ZNF385B: variants seen among roughly 807,000 people sequenced by gnomAD.
The protein encoded by ZNF385B is zinc finger protein 385B.
Under a neutral mutation model 39.2 loss-of-function variants are expected in ZNF385B, and 23 were observed. The observed-to-expected ratio is 0.59, with a 90% confidence interval of 0.42 to 0.83. The LOEUF (loss-of-function observed/expected upper bound fraction) is 0.83. Ranked by LOEUF, ZNF385B falls within the 40% of genes least tolerant of loss-of-function variation. The pLI is 0.00. For missense variants in ZNF385B, 552 were observed against 598.9 expected, an observed-to-expected ratio of 0.92 and a Z score of 0.82; for synonymous variants, 205 against 222.6, an observed-to-expected ratio of 0.92 and a Z score of 0.70.
chr2:179,669,967 A>G (rs1226177602), intron 3 of ZNF385B, among the ~76,000 whole-genome samples: 2 of 152,130 alleles, frequency 1.3e-5, no homozygotes, highest in Non-Finnish European at 2.9e-5. Context: ...TCTGGAGGTG[A>G]GGGAAAATCC....
chr2:179,578,109 A>G (rs1686049061), intron 3 of ZNF385B, among the ~76,000 whole-genome samples: 1 of 152,108 alleles, frequency 6.6e-6, no homozygotes, highest in South Asian at 2.1e-4. Flanking sequence ...ACATTGATAG[A>G]TTCTTTGGAT....
rs2049516931 is a variant in ZNF385B, at chr2:179,446,667, T to C, written c.819A>G (p.Ala273=). Residue 273 remains alanine (A), a synonymous_variant, in exon 7 of 10, where the codon GCA becomes GCG. Coordinates refer to ENST00000410066, the MANE Select transcript of ZNF385B (RefSeq NM_152520.6). ...KSGTTPLPPG[A]ATSPSKSTNG... ...TTGTGCTCTTGGAGGGAGAAGTGGC[T>C]GCTCCAGGTGGCAGGGGTGTTGTGC... 5.0e-6 allele frequency: 8 copies of C among 1,614,150 alleles called. No individual in the cohort carries two copies. Among genetic ancestry groups the C allele is most frequent in the Non-Finnish European group, 6.8e-6 (8 of 1,180,008 alleles).
intron 4 of ZNF385B, among the ~76,000 whole-genome samples, chr2:179,544,351 A>C (rs2060097940): frequency 6.6e-6 from 1 of 152,222 alleles, no homozygotes; most frequent in African/African-American, 2.4e-5. Flanking sequence ...CGTCATCTAC[A>C]ATAGCCCCCA....
At chr2:179,558,599 A>T (rs1515300) in intron 3 of ZNF385B, among the ~76,000 whole-genome samples, 127,882 of 152,168 alleles carry the variant, frequency 0.84, 53,852 homozygotes, top group East Asian at 0.98. Flanking sequence ...AAAATAACAA[A>T]AAAAAGTAAT....
At chr2:179,510,587 T>A (rs1010538081) in intron 5 of ZNF385B, among the ~76,000 whole-genome samples, 2 of 152,116 alleles carry the variant, frequency 1.3e-5, no homozygotes, top group Non-Finnish European at 2.9e-5. Flanking sequence ...TCAAGTAACA[T>A]GCTCAATATA....
intron 1 of ZNF385B, among the ~76,000 whole-genome samples, chr2:179,848,037 G>A (rs1708888994): frequency 6.6e-6 from 1 of 152,126 alleles, no homozygotes. Context: ...CAAGAGGCAA[G>A]GTCTGGAGCA....
At chr2:179,447,642 C>A (rs942172094) in intron 6 of ZNF385B, among the ~76,000 whole-genome samples, 3 of 152,170 alleles carry the variant, frequency 2.0e-5, no homozygotes, top group African/African-American at 7.2e-5. Context: ...ATCCATCACA[C>A]ATTTAATCCT....
chr2:179,604,872 C>A (rs578123320), intron 3 of ZNF385B, among the ~76,000 whole-genome samples: 4 of 152,094 alleles, frequency 2.6e-5, no homozygotes, highest in Admixed American at 6.6e-5. Flanking sequence ...TAACTGAATC[C>A]AAGAACATTT....
At chr2:179,570,366 G>C (rs967464979) in intron 3 of ZNF385B, among the ~76,000 whole-genome samples, 3 of 152,142 alleles carry the variant, frequency 2.0e-5, no homozygotes, top group Admixed American at 6.6e-5. Context: ...CTGGGGGCTT[G>C]GGAACAAATG....
At chr2:179,798,494 T>C (rs1705821335) in intron 1 of ZNF385B, among the ~76,000 whole-genome samples, 1 of 152,144 alleles carries the variant, frequency 6.6e-6, no homozygotes, top group Admixed American at 6.6e-5. Context: ...AAGTTTTCTA[T>C]CAACCTCATT....
chr2:179,704,316 G>A (rs868830939), intron 3 of ZNF385B, among the ~76,000 whole-genome samples: 48 of 152,118 alleles, frequency 3.2e-4, no homozygotes, highest in Admixed American at 2.0e-4. Flanking sequence ...AAATGTATCT[G>A]CATAGAGAAA....
chr2:179,752,046 A>T (rs2106470395), intron 3 of ZNF385B, among the ~76,000 whole-genome samples: 1 of 152,166 alleles, frequency 6.6e-6, no homozygotes, highest in Admixed American at 6.5e-5. Context: ...TTAACTCGTC[A>T]TTTACATTAG....
intron 3 of ZNF385B, among the ~76,000 whole-genome samples, chr2:179,714,684 G>A (rs1417967446): frequency 6.6e-6 from 1 of 151,992 alleles, no homozygotes; most frequent in East Asian, 1.9e-4. Context: ...GGTGGCTCAC[G>A]CCTGTAATCC....
At chr2:179,644,928 A>G (rs1009377368) in intron 3 of ZNF385B, among the ~76,000 whole-genome samples, 4 of 152,178 alleles carry the variant, frequency 2.6e-5, no homozygotes, top group Non-Finnish European at 2.9e-5. Flanking sequence ...TAGACCACAT[A>G]ATTTGTTCAA....
At chr2:179,505,421 T>A (rs1275365461) in intron 5 of ZNF385B, among the ~76,000 whole-genome samples, 1 of 152,088 alleles carries the variant, frequency 6.6e-6, no homozygotes, top group Non-Finnish European at 1.5e-5. Context: ...CTTTAGTGAA[T>A]CTAGCCTTTT....
chr2:179,711,812 A>G (rs1004222892), intron 3 of ZNF385B, among the ~76,000 whole-genome samples: 1 of 152,046 alleles, frequency 6.6e-6, no homozygotes, highest in African/African-American at 2.4e-5. Context: ...AATGCTATAT[A>G]AACTGCATTT....
At chr2:179,683,325 G>A (rs1233666685) in intron 3 of ZNF385B, among the ~76,000 whole-genome samples, 1 of 151,954 alleles carries the variant, frequency 6.6e-6, no homozygotes, top group Non-Finnish European at 1.5e-5. Flanking sequence ...GGGAGGTGGA[G>A]GTTTCAGTGA....
chr2:179,489,902 A>G (rs2055019290), intron 5 of ZNF385B, among the ~76,000 whole-genome samples: 1 of 152,242 alleles, frequency 6.6e-6, no homozygotes, highest in Non-Finnish European at 1.5e-5. Flanking sequence ...TGAGCTTTTT[A>G]GCTTAAAAAG....
At chr2:179,785,134 T>C (rs1704916140) in intron 1 of ZNF385B, among the ~76,000 whole-genome samples, 1 of 152,132 alleles carries the variant, frequency 6.6e-6, no homozygotes, top group Admixed American at 6.6e-5. Flanking sequence ...TACAATTTCA[T>C]CTATTTACAT....
Sources: gnomAD v4.1 joint callset for allele counts (sites outside exome capture counted in the v4.1 genomes callset) on GRCh38, gnomAD v4.1.1 for gene constraint, MANE v1.5 for transcripts, NCBI Gene and HGNC (gene_info 2026-07-23, HGNC 2026-07-21) for gene names.